MYBL1: variants seen among roughly 807,000 people sequenced by gnomAD.
MYBL1 encodes the protein MYB proto-oncogene like 1, also known as myb-related protein A.
In MYBL1, 17 loss-of-function variants were observed where a neutral mutation model predicts 96.3. The observed-to-expected ratio is 0.18, with a 90% CI of 0.12 to 0.26. The LOEUF is 0.26. Ranked by LOEUF, MYBL1 falls within the 10% of genes least tolerant of loss-of-function variation. MYBL1 has a pLI of 1.00. For synonymous variants in MYBL1, 282 were observed against 292.7 expected (o/e 0.96, Z 0.37); for missense variants, 701 against 882.9 (o/e 0.79, Z 2.61).
chr8:66,601,781 G>A lies in MYBL1; in HGVS notation c.127-12C>T, dbSNP rs374592727. 15 of 1,434,560 alleles carry A rather than the reference G, an allele frequency of 1.0e-5. No homozygotes were observed. The African/African-American group carries it at 2.0e-4, about 19-fold the overall frequency. The allele number at this position is 1,434,560 out of a possible 1,614,324, so 88.9% of individuals were successfully genotyped here. A position where few individuals can be genotyped will look rare whatever the true frequency, so the allele number is the denominator to read the frequency against. On this transcript the variant is annotated splice_polypyrimidine_tract_variant and intron_variant, in intron 2 of 15. Transcript: ENST00000522677. ...TTTAATTTATCATCCTATTAAAACAGTACAAAAATTAGAAAGCTTTCCCCC... is the reference window on the plus strand; with the variant it reads ...TTTAATTTATCATCCTATTAAAACAATACAAAAATTAGAAAGCTTTCCCCC...
At chr8:66,603,636 A>G (rs1810195042) in intron 1 of MYBL1, among the ~76,000 whole-genome samples, 1 of 152,034 alleles carries the variant, frequency 6.6e-6, no homozygotes, top group Admixed American at 6.6e-5. Context: ...GACTACAGGC[A>G]TGCACCATCA....
intron 9 of MYBL1, among the ~76,000 whole-genome samples, chr8:66,576,916 G>T (rs887510632): frequency 6.6e-6 from 1 of 152,064 alleles, no homozygotes; most frequent in African/African-American, 2.4e-5. Flanking sequence ...TGCAAGGCTG[G>T]TTCAATATAC....
intron 1 of MYBL1, among the ~76,000 whole-genome samples, chr8:66,605,458 T>C (rs528353532): frequency 2.1e-4 from 32 of 152,166 alleles, no homozygotes; most frequent in African/African-American, 6.7e-4. Flanking sequence ...TGAGTTTTGA[T>C]GGAGTAAAAA....
intron 1 of MYBL1, among the ~76,000 whole-genome samples, chr8:66,604,316 A>G (rs1278482517): frequency 2.0e-5 from 3 of 152,156 alleles, no homozygotes; most frequent in South Asian, 4.1e-4. Flanking sequence ...TGAGGTCAGG[A>G]GTTCGAGACC....
At chr8:66,599,634 C>T (rs758831563) in intron 3 of MYBL1, among the ~76,000 whole-genome samples, 11 of 152,084 alleles carry the variant, frequency 7.2e-5, no homozygotes, top group South Asian at 2.1e-4. Flanking sequence ...AACCCCGTCT[C>T]TACTAAAAAT....
At chr8:66,574,177 G>C (rs569133697) in intron 10 of MYBL1, among the ~76,000 whole-genome samples, 2 of 152,294 alleles carry the variant, frequency 1.3e-5, no homozygotes, top group African/African-American at 4.8e-5. Context: ...CTTATAACTA[G>C]AATGAAGTCT....
rs1381067043 is a variant in MYBL1 at position 66,573,520 on chromosome 8, A to G, written c.1471-14T>C. ...TGTGTTGAAAAACTAGAAAGGGAAGAGAGTTTAAAGACGACTTCTAGAACA... is the reference window on the plus strand; with the variant it reads ...TGTGTTGAAAAACTAGAAAGGGAAGGGAGTTTAAAGACGACTTCTAGAACA... On this transcript the variant is annotated splice_polypyrimidine_tract_variant and intron_variant, in intron 10 of 15. Transcript: ENST00000522677. The G allele has an allele frequency of 6.3e-7, 1 of 1,582,256 alleles. No individual in the cohort carries two copies. The highest frequency in any genetic ancestry group is 8.6e-7 in the Non-Finnish European group (1 of 1,167,474).
intron 1 of MYBL1, among the ~76,000 whole-genome samples, chr8:66,611,037 T>A (rs1810507514): frequency 6.6e-6 from 1 of 152,170 alleles, no homozygotes; most frequent in Admixed American, 6.5e-5. Context: ...ATATGCAAAC[T>A]AACATTAAGT....
In MYBL1 at chr8:66,573,450, T is replaced by C. The variant is rs577025191; in HGVS notation, c.1527A>G (p.Thr509=). ...CTTTCTGCCCACAAATAGGGGTTGATGTAAATGAAGGATTTTCTATATTAA... is the reference window on the plus strand; with the variant it reads ...CTTTCTGCCCACAAATAGGGGTTGACGTAAATGAAGGATTTTCTATATTAA... ...EQLNIENPSF[T]STPICGQKAL... Residue 509 remains threonine, a synonymous_variant, in exon 11 of 16, where the codon ACA becomes ACG. Transcript: ENST00000522677. 2.5e-6 allele frequency: 4 copies of C among 1,612,084 alleles called. No individual in the cohort carries two copies. The highest frequency in any genetic ancestry group is 3.4e-6 in the Non-Finnish European group (4 of 1,179,024).
chr8:66,570,510 C>T (rs1808686552), intron 12 of MYBL1, among the ~76,000 whole-genome samples: 1 of 152,136 alleles, frequency 6.6e-6, no homozygotes, highest in South Asian at 2.1e-4. Flanking sequence ...CCCTGACTCA[C>T]TGCAGAATTT....
intron 8 of MYBL1, among the ~76,000 whole-genome samples, chr8:66,584,679 C>A (rs925756979): frequency 1.3e-5 from 2 of 151,790 alleles, no homozygotes; most frequent in Admixed American, 6.6e-5. Flanking sequence ...GGCAAGATAG[C>A]GAGACCCCCA....
intron 5 of MYBL1, among the ~76,000 whole-genome samples, chr8:66,596,863 T>C (rs1809871571): frequency 6.6e-6 from 1 of 152,190 alleles, no homozygotes; most frequent in Non-Finnish European, 1.5e-5. Flanking sequence ...ACTACTTCCA[T>C]GGTTTGGATC....
At chr8:66,573,586 A>T in intron 10 of MYBL1, 80 bp from the exon 11 acceptor site, 3 of 1,221,752 alleles carry the variant, frequency 2.5e-6, no homozygotes, top group Non-Finnish European at 3.3e-6. Flanking sequence ...AAGATTTTCA[A>T]ATTATTTCTT....
intron 12 of MYBL1, 95 bp from the exon 13 acceptor site, chr8:66,567,087 T>C (rs1808534621): frequency 1.4e-6 from 1 of 738,208 alleles, no homozygotes; most frequent in Non-Finnish European, 2.2e-6. Flanking sequence ...TTGTCCATTA[T>C]TGTCATAATT....
chr8:66,592,728 T>C (rs1809699173), intron 7 of MYBL1, among the ~76,000 whole-genome samples, 184 bp from the exon 8 acceptor site: 1 of 152,164 alleles, frequency 6.6e-6, no homozygotes. Flanking sequence ...CTGGCAAATA[T>C]TTTCAACTTA....
In MYBL1 at chr8:66,602,543, T is replaced by A. The variant is rs755623081; in HGVS notation, c.21-20A>T. 3 of 1,533,582 alleles carry A rather than the reference T, an allele frequency of 2.0e-6. No homozygotes were observed. Among genetic ancestry groups the A allele is most frequent in the Middle Eastern group, 1.7e-4 (1 of 5,776 alleles). 95.0% of individuals were successfully genotyped at this position (1,533,582 alleles called of 1,614,324 possible). On this transcript the variant is annotated intron_variant, in intron 1 of 15. Coordinates refer to ENST00000522677, the MANE Select transcript of MYBL1 (RefSeq NM_001080416.4). ...TCCTCACTACAAAAAAAACACAATT[T>A]GTGATATCAAGAATTTTATTTAAAT...
chr8:66,602,723 ATATATATATATTTTTTTTT>A (rs1563551173), intron 1 of MYBL1, among the ~76,000 whole-genome samples, 200 bp from the exon 2 acceptor site: 5 of 45,180 alleles, frequency 1.1e-4, no homozygotes, highest in African/African-American at 5.5e-4. Flanking sequence ...ATATATATAT[ATATATATATATTTTTTTTT>A]TTTTTTTTTT....
chr8:66,603,641 C>T (rs2130031363), intron 1 of MYBL1, among the ~76,000 whole-genome samples: 1 of 152,046 alleles, frequency 6.6e-6, no homozygotes, highest in Non-Finnish European at 1.5e-5. Flanking sequence ...CAGGCATGCA[C>T]CATCATGCCC....
intron 9 of MYBL1, among the ~76,000 whole-genome samples, chr8:66,576,882 A>T (rs1808974762): frequency 6.6e-6 from 1 of 152,232 alleles, no homozygotes; most frequent in African/African-American, 2.4e-5. Flanking sequence ...ATCCACCATG[A>T]TCAAGCAGGC....
Sources: gnomAD v4.1 joint callset for allele counts (sites outside exome capture counted in the v4.1 genomes callset) on GRCh38, gnomAD v4.1.1 for gene constraint, MANE v1.5 for transcripts, NCBI Gene and HGNC (gene_info 2026-07-23, HGNC 2026-07-21) for gene names.